ARMC8: variants seen among roughly 807,000 people sequenced by gnomAD.
The protein encoded by ARMC8 is armadillo repeat-containing protein 8.
Under a neutral mutation model 99.3 loss-of-function variants are expected in ARMC8, and 20 were observed. That is an observed-to-expected ratio of 0.20 (90% CI 0.14 to 0.29). ARMC8 has a LOEUF of 0.29. Among genes scored for constraint, ARMC8 ranks in the 10% least tolerant of loss-of-function variants. ARMC8 has a pLI of 1.00. For missense variants in ARMC8, 569 were observed against 809.5 expected (o/e 0.70, Z 3.60); for synonymous variants, 263 against 278.3 (o/e 0.95, Z 0.55).
At chr3:138,243,739 C>G (rs755051281) in intron 11 of ARMC8, among the ~76,000 whole-genome samples, 1 of 152,148 alleles carries the variant, frequency 6.6e-6, no homozygotes, top group Non-Finnish European at 1.5e-5. Context: ...CACACACAGT[C>G]AGTGACAACT....
At chr3:138,238,545 CAT>C (rs2046447700) in intron 9 of ARMC8, 1 of 152,158 alleles carries the variant, frequency 6.6e-6, no homozygotes, top group Non-Finnish European at 1.5e-5. Context: ...ATGAATTACT[CAT>C]GTATCGTGAA....
chr3:138,241,534 A>G (rs941727875), intron 10 of ARMC8, among the ~76,000 whole-genome samples: 1 of 152,182 alleles, frequency 6.6e-6, no homozygotes, highest in Non-Finnish European at 1.5e-5. Context: ...CCAAAAGCCT[A>G]ATTAGAATTT....
rs1456331533 is a variant in ARMC8, at chr3:138,296,548, AAAG to A, written c.*659_*661del. 4.0e-5 allele frequency: 6 copies of A among 151,660 alleles called. No homozygotes were observed. The highest frequency in any genetic ancestry group is 5.9e-5 in the Non-Finnish European group (4 of 68,034). 9.4% of individuals were successfully genotyped at this position (151,660 alleles called of 1,614,324 possible). ...ACATAGATTTTCTTTATATAAAAAA[AAAG>A]AAAAAAAAAGAAAAAGTTGGCTATA... On this transcript the variant is annotated 3_prime_UTR_variant, in exon 22 of 22. Transcript: ENST00000469044.
At chr3:138,208,489 A>G (rs2044515715) in intron 1 of ARMC8, among the ~76,000 whole-genome samples, 1 of 152,184 alleles carries the variant, frequency 6.6e-6, no homozygotes, top group Non-Finnish European at 1.5e-5. Context: ...AAGAAAATAT[A>G]TGTTGACTTA....
At chr3:138,220,139 C>T (rs1283689684) in intron 2 of ARMC8, among the ~76,000 whole-genome samples, 2 of 152,162 alleles carry the variant, frequency 1.3e-5, no homozygotes, top group Non-Finnish European at 2.9e-5. Context: ...GAACAACAAG[C>T]TGGTAGGTTA....
intron 2 of ARMC8, among the ~76,000 whole-genome samples, chr3:138,220,585 G>T (rs1338967224): frequency 3.3e-5 from 5 of 152,140 alleles, no homozygotes; most frequent in African/African-American, 1.2e-4. Flanking sequence ...AATCAAAAAA[G>T]GCAATTGAAG....
intron 19 of ARMC8, chr3:138,287,890 C>T (rs559352123): frequency 3.8e-6 from 1 of 265,412 alleles, no homozygotes; most frequent in South Asian, 4.3e-5. Flanking sequence ...GGACAATCAT[C>T]TATAAAGTTT....
chr3:138,243,412 T>C (rs2046723347), intron 11 of ARMC8, among the ~76,000 whole-genome samples: 1 of 152,182 alleles, frequency 6.6e-6, no homozygotes, highest in Non-Finnish European at 1.5e-5. Flanking sequence ...TAAAGAGAAA[T>C]CTTCACATGT....
At chr3:138,264,412 C>CTTTTTTTTTTTTTTTTT (rs11298899) in intron 14 of ARMC8, among the ~76,000 whole-genome samples, 200 bp downstream of exon 14, 3 of 48,632 alleles carry the variant, frequency 6.2e-5, no homozygotes, top group Admixed American at 3.2e-4. Flanking sequence ...GATTTTCTTT[C>CTTTTTTTTTTTTTTTTT]TTTTTTTTTT....
chr3:138,226,800 A>G (rs564842860), intron 5 of ARMC8, among the ~76,000 whole-genome samples: 21 of 152,306 alleles, frequency 1.4e-4, no homozygotes, highest in East Asian at 1.9e-4. Flanking sequence ...CTGGTGCACC[A>G]TTTGGAAAAT....
At chr3:138,198,971 T>A (rs2043899283) in intron 1 of ARMC8, among the ~76,000 whole-genome samples, 1 of 152,112 alleles carries the variant, frequency 6.6e-6, no homozygotes, top group Admixed American at 6.5e-5. Context: ...AATTATATAT[T>A]TTAGTGTTTT....
chr3:138,245,051 T>C, intron 11 of ARMC8, 37 bp from the exon 12 acceptor site: 1 of 1,586,660 alleles, frequency 6.3e-7, no homozygotes, highest in Non-Finnish European at 8.6e-7. Flanking sequence ...GTTGAATTTA[T>C]GGACTGAGTT....
chr3:138,279,122 A>G (rs1035636580), intron 18 of ARMC8, among the ~76,000 whole-genome samples: 2 of 152,222 alleles, frequency 1.3e-5, no homozygotes, highest in Admixed American at 6.5e-5. Context: ...TCAGTCTTTC[A>G]CTATTGAATA....
At chr3:138,262,888 C>T (rs1275981509) in intron 12 of ARMC8, among the ~76,000 whole-genome samples, 1 of 152,168 alleles carries the variant, frequency 6.6e-6, no homozygotes, top group East Asian at 1.9e-4. Context: ...AGTCACATGC[C>T]TGGGTACGTA....
At position 138,247,043 on chromosome 3, in the gene ARMC8, ATAAAG is replaced by A. The variant is rs555986510; in HGVS notation, c.1134+1864_1134+1868del. 8.8e-3 allele frequency among the ~76,000 whole-genome samples: 1,334 copies of A among 152,266 alleles called. 7 individuals carry two copies. Among genetic ancestry groups the A allele is most frequent in the Non-Finnish European group, 0.014 (930 of 67,980 alleles). On this transcript the variant is annotated intron_variant, in intron 12 of 21. Transcript: ENST00000469044. ...AGAGATAAATTGTAAAATGGAAACTATAAAGTAATTTTGTGATAAAATCTACTTGA... is the reference window on the plus strand; with the variant it reads ...AGAGATAAATTGTAAAATGGAAACTATAATTTTGTGATAAAATCTACTTGA...
chr3:138,246,772 A>AGACT, intron 12 of ARMC8: 1 of 985,132 alleles, frequency 1.0e-6, no homozygotes, highest in Non-Finnish European at 1.2e-6. Flanking sequence ...ATGACAGTCT[A>AGACT]ATCAGTAGTC....
At chr3:138,222,636 T>C (rs2045464461) in intron 3 of ARMC8, among the ~76,000 whole-genome samples, 1 of 152,214 alleles carries the variant, frequency 6.6e-6, no homozygotes, top group African/African-American at 2.4e-5. Flanking sequence ...CTCCTTATTT[T>C]CTGGTTTTGA....
chr3:138,223,513 A>G lies in ARMC8; in HGVS notation c.319A>G (p.Ile107Val), dbSNP rs1331868063. Residue 107 changes from isoleucine (I) to valine (V), a missense_variant, in exon 4 of 22, where the codon ATC becomes GTC. Transcript: ENST00000469044. ...NVKSLLDCHI[I>V]PALLQGLLSP... Reference sequence around the variant, plus strand: ...CAAGTCTCTACTGGACTGCCATATTATCCCTGCCTTATTGCAAGGTATGTA... The same window carrying G: ...CAAGTCTCTACTGGACTGCCATATTGTCCCTGCCTTATTGCAAGGTATGTA... 6.2e-7 allele frequency: 1 copy of G among 1,614,210 alleles called. No homozygotes were observed. Among genetic ancestry groups the G allele is most frequent in the South Asian group, 1.1e-5 (1 of 91,084 alleles).
intron 1 of ARMC8, among the ~76,000 whole-genome samples, chr3:138,188,760 T>TTCCTGAA (rs1472351700): frequency 1.3e-5 from 2 of 152,224 alleles, no homozygotes; most frequent in Non-Finnish European, 2.9e-5. Context: ...TTGCTTATGA[T>TTCCTGAA]TCAGGGTTAG....
Sources: allele counts gnomAD v4.1 joint callset (sites outside exome capture counted in the v4.1 genomes callset), GRCh38; gene constraint gnomAD v4.1.1; transcripts MANE v1.5; gene names NCBI Gene and HGNC (gene_info 2026-07-23, HGNC 2026-07-21).